Variants in SWT1 observed in about 807,000 individuals in gnomAD.
SWT1 encodes the protein SWT1 RNA endoribonuclease homolog.
SWT1 carries 33 observed loss-of-function variants against 107.3 expected under a neutral mutation model. The ratio of observed to expected loss-of-function variants is 0.31; its 90% confidence interval spans 0.23 to 0.41. The LOEUF is 0.41. Among genes scored for constraint, SWT1 ranks in the 10% least tolerant of loss-of-function variants. The pLI is 1.00. For missense variants in SWT1, 898 were observed against 1,028.9 expected, an observed-to-expected ratio of 0.87 and a Z score of 1.74; for synonymous variants, 345 against 348.3, an observed-to-expected ratio of 0.99 and a Z score of 0.11.
At chr1:185,171,055 T>A (rs942781339) in intron 4 of SWT1, among the ~76,000 whole-genome samples, 3 of 152,132 alleles carry the variant, frequency 2.0e-5, no homozygotes, top group African/African-American at 7.2e-5. Flanking sequence ...ACCTCTAGCC[T>A]ACATCTCCCC....
intron 9 of SWT1, among the ~76,000 whole-genome samples, chr1:185,187,751 C>G (rs1379847370): frequency 6.6e-6 from 1 of 152,122 alleles, no homozygotes; most frequent in Non-Finnish European, 1.5e-5. Flanking sequence ...ATGGCGTGAT[C>G]TCAGCTCACT....
chr1:185,196,523 A>C (rs920255876), intron 10 of SWT1, among the ~76,000 whole-genome samples: 3 of 152,220 alleles, frequency 2.0e-5, no homozygotes, highest in African/African-American at 7.2e-5. Flanking sequence ...TCTGTGAAGA[A>C]AGCCAATGGT....
intron 15 of SWT1, among the ~76,000 whole-genome samples, chr1:185,224,361 T>C (rs1415903428): frequency 2.6e-5 from 4 of 152,204 alleles, no homozygotes; most frequent in Non-Finnish European, 4.4e-5. Flanking sequence ...TATTTTGTTG[T>C]TTGTTTTTTT....
At chr1:185,160,469 G>A (rs906395310) in intron 1 of SWT1, among the ~76,000 whole-genome samples, 3 of 152,156 alleles carry the variant, frequency 2.0e-5, no homozygotes, top group African/African-American at 7.2e-5. Flanking sequence ...AGCACTTTGG[G>A]AGGCGGGTGG....
At chr1:185,237,101 T>G (rs1347281007) in intron 16 of SWT1, among the ~76,000 whole-genome samples, 1 of 152,232 alleles carries the variant, frequency 6.6e-6, no homozygotes, top group African/African-American at 2.4e-5. Flanking sequence ...GCTTTTTCAC[T>G]GTTGGTGGCA....
At chr1:185,238,269 A>G (rs1278086637) in intron 16 of SWT1, among the ~76,000 whole-genome samples, 1 of 152,120 alleles carries the variant, frequency 6.6e-6, no homozygotes. Flanking sequence ...TACAGGCATG[A>G]GCCACCTTGC....
intron 9 of SWT1, among the ~76,000 whole-genome samples, chr1:185,188,932 A>G (rs1294578644): frequency 6.6e-6 from 1 of 152,056 alleles, no homozygotes; most frequent in Non-Finnish European, 1.5e-5. Context: ...CTTGTGGGAA[A>G]CATTATCTTT....
At chr1:185,256,326 C>T (rs1462581494) in intron 16 of SWT1, among the ~76,000 whole-genome samples, 1 of 149,284 alleles carries the variant, frequency 6.7e-6, no homozygotes, top group African/African-American at 2.5e-5. Flanking sequence ...GAATGTTGGC[C>T]TGCCTTGCTA....
chr1:185,249,932 T>A (rs1661887054), intron 16 of SWT1, among the ~76,000 whole-genome samples: 1 of 152,182 alleles, frequency 6.6e-6, no homozygotes, highest in Admixed American at 6.5e-5. Flanking sequence ...CCTTTTTCTT[T>A]TTGTATTACT....
intron 16 of SWT1, among the ~76,000 whole-genome samples, chr1:185,249,107 TG>T (rs1208803599): frequency 3.3e-5 from 5 of 152,188 alleles, no homozygotes; most frequent in African/African-American, 9.6e-5. Flanking sequence ...ACTTAGAGGC[TG>T]GATCTCCAGC....
At chr1:185,195,098 A>G (rs1460770708) in intron 10 of SWT1, among the ~76,000 whole-genome samples, 1 of 152,132 alleles carries the variant, frequency 6.6e-6, no homozygotes, top group Non-Finnish European at 1.5e-5. Context: ...TGCTGCACCC[A>G]TCAACCTGTC....
intron 16 of SWT1, among the ~76,000 whole-genome samples, chr1:185,261,572 A>G (rs1360796798): frequency 6.6e-6 from 1 of 152,116 alleles, no homozygotes; most frequent in African/African-American, 2.4e-5. Flanking sequence ...AGGAACTACC[A>G]TACTGTTTTT....
At chr1:185,235,803 C>T (rs927281019) in intron 16 of SWT1, among the ~76,000 whole-genome samples, 2 of 152,052 alleles carry the variant, frequency 1.3e-5, no homozygotes, top group African/African-American at 2.4e-5. Flanking sequence ...TTTAGAAAAC[C>T]CCATCGTCTC....
At chr1:185,178,124 T>C (rs1655720186) in intron 5 of SWT1, among the ~76,000 whole-genome samples, 1 of 152,188 alleles carries the variant, frequency 6.6e-6, no homozygotes, top group African/African-American at 2.4e-5. Context: ...AAGGGCTCAC[T>C]AAAGTGGTGG....
intron 16 of SWT1, among the ~76,000 whole-genome samples, chr1:185,235,624 C>T (rs896354393): frequency 6.6e-6 from 1 of 152,020 alleles, no homozygotes; most frequent in Non-Finnish European, 1.5e-5. Flanking sequence ...TGGGCAAAAA[C>T]TGAAAGCATT....
intron 18 of SWT1, among the ~76,000 whole-genome samples, chr1:185,279,732 T>C (rs532347487): frequency 5.8e-4 from 88 of 150,628 alleles, no homozygotes; most frequent in African/African-American, 2.1e-3. Flanking sequence ...CACTGGTTCA[T>C]ACTAGATATG....
At chr1:185,177,035 G>A (rs914076135) in intron 5 of SWT1, 16 of 956,390 alleles carry the variant, frequency 1.7e-5, no homozygotes, top group Non-Finnish European at 2.0e-5. Flanking sequence ...TATTTCTTAC[G>A]AAAAATGGAG....
intron 10 of SWT1, among the ~76,000 whole-genome samples, chr1:185,202,071 G>A (rs1448394002): frequency 6.6e-6 from 1 of 152,032 alleles, no homozygotes; most frequent in African/African-American, 2.4e-5. Flanking sequence ...ACACAGATAC[G>A]ATCATGTCAT....
chr1:185,197,639 T>C (rs1657510503), intron 10 of SWT1, among the ~76,000 whole-genome samples: 1 of 152,186 alleles, frequency 6.6e-6, no homozygotes, highest in Admixed American at 6.5e-5. Flanking sequence ...TCAGAACTTG[T>C]TGTTGGTCTA....
Sources: gnomAD v4.1 joint callset for allele counts (sites outside exome capture counted in the v4.1 genomes callset) on GRCh38, gnomAD v4.1.1 for gene constraint, MANE v1.5 for transcripts, NCBI Gene and HGNC (gene_info 2026-07-23, HGNC 2026-07-21) for gene names.